Variants in VEPH1 observed in about 807,000 individuals in gnomAD.
VEPH1 encodes the protein ventricular zone expressed PH domain containing 1.
VEPH1 carries 80 observed loss-of-function variants against 85.2 expected under a neutral mutation model. The observed-to-expected ratio is 0.94, with a 90% CI of 0.78 to 1.13. The LOEUF (loss-of-function observed/expected upper bound fraction) is 1.13. Ranked by LOEUF, VEPH1 falls within the 50% of genes most tolerant of loss-of-function variation. The probability of loss-of-function intolerance (pLI) is 0.00; values close to 1 mark genes in which losing one functional copy is unlikely to be tolerated. For missense variants in VEPH1, 955 were observed against 980.5 expected, an observed-to-expected ratio of 0.97 and a Z score of 0.35; for synonymous variants, 297 against 348.0, an observed-to-expected ratio of 0.85 and a Z score of 1.63.
intron 12 of VEPH1, among the ~76,000 whole-genome samples, chr3:157,269,641 TG>T (rs758251236): frequency 2.7e-4 from 30 of 109,288 alleles, no homozygotes; most frequent in South Asian, 8.4e-4. Flanking sequence ...TTGTTTTTGT[TG>T]TTTTTTTTTT....
At chr3:157,286,773 G>GTTCAAT in intron 11 of VEPH1, 99 bp from the exon 12 acceptor site, 1 of 978,690 alleles carries the variant, frequency 1.0e-6, no homozygotes, top group Admixed American at 1.9e-5. Context: ...GATGGTCAAT[G>GTTCAAT]CTCAATCTCA....
intron 9 of VEPH1, among the ~76,000 whole-genome samples, chr3:157,351,579 C>T (rs1227512707): frequency 6.6e-6 from 1 of 152,200 alleles, no homozygotes; most frequent in African/African-American, 2.4e-5. Context: ...CTACTAGTGT[C>T]TACTGGAAAT....
intron 11 of VEPH1, among the ~76,000 whole-genome samples, chr3:157,294,655 A>T (rs1004112644): frequency 1.3e-5 from 2 of 152,032 alleles, no homozygotes; most frequent in East Asian, 3.9e-4. Flanking sequence ...GTGAGCAAAA[A>T]TTTTTCTGTG....
chr3:157,457,202 T>G (rs1301321050), intron 4 of VEPH1, among the ~76,000 whole-genome samples: 1 of 152,090 alleles, frequency 6.6e-6, no homozygotes, highest in Non-Finnish European at 1.5e-5. Context: ...TGTGTGGGAG[T>G]GCTAGTGACT....
intron 6 of VEPH1, among the ~76,000 whole-genome samples, chr3:157,393,466 T>A (rs897013646): frequency 6.6e-5 from 10 of 152,170 alleles, no homozygotes; most frequent in African/African-American, 1.2e-4. Context: ...TTAGTATTAT[T>A]TTTAGTATGA....
intron 11 of VEPH1, among the ~76,000 whole-genome samples, chr3:157,307,189 A>G (rs1336693089): frequency 6.6e-6 from 1 of 151,930 alleles, no homozygotes; most frequent in Non-Finnish European, 1.5e-5. Context: ...TTTTGAGTCT[A>G]ATTAATGACT....
At chr3:157,282,683 G>C (rs1465097263) in intron 12 of VEPH1, among the ~76,000 whole-genome samples, 3 of 152,202 alleles carry the variant, frequency 2.0e-5, no homozygotes. Flanking sequence ...TTAACAAAAT[G>C]TGACTGAAGA....
intron 13 of VEPH1, among the ~76,000 whole-genome samples, chr3:157,261,686 A>T (rs977923382): frequency 1.2e-4 from 19 of 152,130 alleles, no homozygotes; most frequent in African/African-American, 4.6e-4. Context: ...GCAACGGTAC[A>T]ATTTGGAGTG....
chr3:157,459,908 G>A (rs766953320), intron 4 of VEPH1: 39 of 1,537,018 alleles, frequency 2.5e-5, no homozygotes, highest in South Asian at 8.3e-5. Context: ...CCAGAAGCAC[G>A]GAAATGCAGT....
intron 12 of VEPH1, among the ~76,000 whole-genome samples, chr3:157,266,759 A>G (rs1713705744): frequency 6.6e-6 from 1 of 152,220 alleles, no homozygotes; most frequent in South Asian, 2.1e-4. Flanking sequence ...TACCAACAAC[A>G]TAAGATTCAC....
At chr3:157,354,679 T>C (rs938560138) in intron 9 of VEPH1, among the ~76,000 whole-genome samples, 2 of 152,148 alleles carry the variant, frequency 1.3e-5, no homozygotes, top group African/African-American at 4.8e-5. Context: ...CATTATTCTT[T>C]CTATATATTT....
chr3:157,440,327 T>C (rs1200409780), intron 4 of VEPH1, among the ~76,000 whole-genome samples: 1 of 152,216 alleles, frequency 6.6e-6, no homozygotes, highest in African/African-American at 2.4e-5. Flanking sequence ...TATTTGACTA[T>C]CCCTAACACT....
chr3:157,480,594 C>T (rs1008505069), intron 2 of VEPH1, among the ~76,000 whole-genome samples: 1 of 152,028 alleles, frequency 6.6e-6, no homozygotes, highest in African/African-American at 2.4e-5. Flanking sequence ...GGATAAATGG[C>T]CTCTAGTTGC....
At chr3:157,368,196 T>C (rs540895252) in intron 7 of VEPH1, among the ~76,000 whole-genome samples, 62 of 152,326 alleles carry the variant, frequency 4.1e-4, no homozygotes, top group Non-Finnish European at 1.3e-4. Context: ...ATTTTATTAC[T>C]GTCAGGCTGT....
chr3:157,495,890 G>C (rs1739621999), intron 1 of VEPH1, among the ~76,000 whole-genome samples: 1 of 152,130 alleles, frequency 6.6e-6, no homozygotes, highest in Non-Finnish European at 1.5e-5. Flanking sequence ...GGAAAAGAGG[G>C]AGCATAGGAA....
intron 11 of VEPH1, among the ~76,000 whole-genome samples, chr3:157,304,013 CTTATATTTTTT>C (rs1553761029): frequency 3.7e-5 from 2 of 54,176 alleles, no homozygotes; most frequent in South Asian, 8.2e-4. Flanking sequence ...AATTTCTCAT[CTTATATTTTTT>C]ATATATATAT....
chr3:157,382,107 T>A (rs576721283), intron 6 of VEPH1, among the ~76,000 whole-genome samples: 3 of 152,212 alleles, frequency 2.0e-5, no homozygotes, highest in Non-Finnish European at 1.5e-5. Context: ...CATATTCCAC[T>A]AGTGTGCTAG....
chr3:157,297,314 T>G (rs1209978578), intron 11 of VEPH1, among the ~76,000 whole-genome samples: 1 of 152,194 alleles, frequency 6.6e-6, no homozygotes, highest in African/African-American at 2.4e-5. Context: ...TGTCTGTTTT[T>G]GTTAGTTTGT....
intron 1 of VEPH1, among the ~76,000 whole-genome samples, chr3:157,502,650 AT>A (rs774953101): frequency 1.1e-4 from 17 of 152,110 alleles, no homozygotes; most frequent in Admixed American, 3.9e-4. Flanking sequence ...TTCTCTAAAT[AT>A]TTTTTTCTGC....
Sources: allele counts gnomAD v4.1 joint callset (sites outside exome capture counted in the v4.1 genomes callset), GRCh38; gene constraint gnomAD v4.1.1; transcripts MANE v1.5; gene names NCBI Gene and HGNC (gene_info 2026-07-23, HGNC 2026-07-21).